Variants in HS2ST1 observed in about 807,000 individuals in gnomAD.
HS2ST1 encodes the protein 2-O-sulfotransferase.
HS2ST1 carries 18 observed loss-of-function variants against 42.9 expected under a neutral mutation model. The observed-to-expected ratio is 0.42, with a 90% confidence interval of 0.29 to 0.62. HS2ST1 has a LOEUF of 0.62. Among genes scored for constraint, HS2ST1 ranks in the 20% least tolerant of loss-of-function variants. HS2ST1 has a pLI of 0.21. For missense variants in HS2ST1, 334 were observed against 433.8 expected (o/e 0.77, Z 2.04); for synonymous variants, 146 against 152.9 (o/e 0.95, Z 0.33).
At chr1:87,021,599 T>C (rs1649954831) in intron 1 of HS2ST1, among the ~76,000 whole-genome samples, 1 of 152,186 alleles carries the variant, frequency 6.6e-6, no homozygotes, top group African/African-American at 2.4e-5. Flanking sequence ...ACTACAACCT[T>C]GAGTTTCCGG....
chr1:86,918,009 A>G (rs988582916), intron 1 of HS2ST1, among the ~76,000 whole-genome samples: 1 of 152,250 alleles, frequency 6.6e-6, no homozygotes, highest in Non-Finnish European at 1.5e-5. Flanking sequence ...TAAAAAACCT[A>G]TTAAACATTT....
At chr1:86,962,776 ATATAGGT>A (rs1169753810) in intron 1 of HS2ST1, among the ~76,000 whole-genome samples, 2 of 152,198 alleles carry the variant, frequency 1.3e-5, no homozygotes, top group South Asian at 2.1e-4. Flanking sequence ...TTCAAAGTAA[ATATAGGT>A]TATAGGTAGT....
chr1:87,036,240 GT>G (rs1650372727), intron 1 of HS2ST1, among the ~76,000 whole-genome samples: 1 of 152,100 alleles, frequency 6.6e-6, no homozygotes, highest in African/African-American at 2.4e-5. Context: ...CTTTGCTATT[GT>G]GAGCAGTGCT....
chr1:86,923,655 C>G (rs1660351249), intron 1 of HS2ST1, among the ~76,000 whole-genome samples: 1 of 152,174 alleles, frequency 6.6e-6, no homozygotes, highest in South Asian at 2.1e-4. Context: ...CTTGGCCTCC[C>G]AAAGTGCTGG....
At chr1:86,959,235 T>G (rs899504188) in intron 1 of HS2ST1, among the ~76,000 whole-genome samples, 1 of 152,176 alleles carries the variant, frequency 6.6e-6, no homozygotes, top group Non-Finnish European at 1.5e-5. Context: ...TCCTGGTTAA[T>G]GCAATAAGAC....
At chr1:87,005,150 A>G (rs749436633) in intron 1 of HS2ST1, among the ~76,000 whole-genome samples, 1 of 152,140 alleles carries the variant, frequency 6.6e-6, no homozygotes, top group Admixed American at 6.5e-5. Flanking sequence ...ATCTTTTGCT[A>G]TGAATCTCAA....
At chr1:86,979,350 A>T (rs1648514186) in intron 1 of HS2ST1, among the ~76,000 whole-genome samples, 1 of 152,168 alleles carries the variant, frequency 6.6e-6, no homozygotes, top group Admixed American at 6.5e-5. Flanking sequence ...CCATTAAACA[A>T]TAACTTTCCA....
intron 1 of HS2ST1, among the ~76,000 whole-genome samples, chr1:86,984,906 C>CAA (rs34820915): frequency 0.014 from 1,637 of 117,976 alleles, 47 homozygotes; most frequent in African/African-American, 0.051. Context: ...ATCTCCGTCT[C>CAA]AAAAAAAAAA....
chr1:86,989,022 A>G (rs1648871221), intron 1 of HS2ST1, among the ~76,000 whole-genome samples: 1 of 152,222 alleles, frequency 6.6e-6, no homozygotes, highest in Non-Finnish European at 1.5e-5. Context: ...TGTGATCTTA[A>G]TGGTAAGAGT....
At chr1:86,992,084 G>A (rs957392780) in intron 1 of HS2ST1, among the ~76,000 whole-genome samples, 2 of 151,834 alleles carry the variant, frequency 1.3e-5, no homozygotes, top group African/African-American at 4.8e-5. Context: ...TGTGAACTGC[G>A]CATCTAAGGG....
At chr1:86,966,896 C>CT (rs11373445) in intron 1 of HS2ST1, among the ~76,000 whole-genome samples, 112,233 of 147,292 alleles carry the variant, frequency 0.76, 43,110 homozygotes, top group East Asian at 0.96. Context: ...GAGTGCATTC[C>CT]TTTTTTTTTT....
chr1:87,004,853 G>A (rs1649390604), intron 1 of HS2ST1, among the ~76,000 whole-genome samples: 1 of 152,166 alleles, frequency 6.6e-6, no homozygotes, highest in Non-Finnish European at 1.5e-5. Context: ...AGGCCATATC[G>A]TTTTTGATAT....
At position 87,044,690 on chromosome 1, in the gene HS2ST1, A is replaced by T. The variant is rs528058179; in HGVS notation, c.125-28244A>T. 2.6e-5 allele frequency among the ~76,000 whole-genome samples: 4 copies of T among 152,334 alleles called. No individual in the cohort carries two copies. The South Asian group carries it at 8.3e-4, about 32-fold the overall frequency. On this transcript the variant is annotated intron_variant, in intron 1 of 6. Coordinates refer to ENST00000370550, the MANE Select transcript of HS2ST1 (RefSeq NM_012262.4). ...AACATGCATTGTGTTGTTTTATCTC[A>T]TGACTGGTTATGCACATACTTTGTT... is the stretch of plus-strand genomic sequence containing the variant.
chr1:87,039,382 T>A (rs1373080335), intron 1 of HS2ST1, among the ~76,000 whole-genome samples: 2 of 152,216 alleles, frequency 1.3e-5, no homozygotes, highest in Non-Finnish European at 1.5e-5. Flanking sequence ...TTAGTTTGCT[T>A]CCTGATGTGC....
chr1:86,993,696 G>A (rs1025460825), intron 1 of HS2ST1, among the ~76,000 whole-genome samples: 2 of 152,160 alleles, frequency 1.3e-5, no homozygotes, highest in African/African-American at 2.4e-5. Context: ...AGAAAAAGAA[G>A]TTTATTAAAG....
intron 1 of HS2ST1, among the ~76,000 whole-genome samples, chr1:86,964,791 A>G (rs141706109): frequency 2.0e-5 from 3 of 152,350 alleles, no homozygotes; most frequent in Non-Finnish European, 1.5e-5. Context: ...TTCAGTGCCA[A>G]TCTGAGTTCC....
intron 1 of HS2ST1, among the ~76,000 whole-genome samples, chr1:87,069,879 C>T (rs1276399694): frequency 6.6e-6 from 1 of 152,148 alleles, no homozygotes; most frequent in East Asian, 1.9e-4. Flanking sequence ...TGTTTCATGG[C>T]CCTGCCGGAG....
At chr1:87,008,519 A>G (rs138179260) in intron 1 of HS2ST1, among the ~76,000 whole-genome samples, 16 of 152,360 alleles carry the variant, frequency 1.1e-4, no homozygotes, top group Middle Eastern at 3.4e-3. Flanking sequence ...TTGCTTCAGT[A>G]TCAGTTATCC....
chr1:87,054,969 GC>G (rs770872702), intron 1 of HS2ST1, among the ~76,000 whole-genome samples: 1 of 152,070 alleles, frequency 6.6e-6, no homozygotes. Flanking sequence ...ATATTACAAA[GC>G]CCTTCTTTGA....
Sources: gnomAD v4.1 joint callset for allele counts (sites outside exome capture counted in the v4.1 genomes callset) on GRCh38, gnomAD v4.1.1 for gene constraint, MANE v1.5 for transcripts, NCBI Gene and HGNC (gene_info 2026-07-23, HGNC 2026-07-21) for gene names.